Variants in CTNNA2 observed in about 807,000 individuals in gnomAD.
CTNNA2 encodes catenin alpha 2.
CTNNA2 carries 42 observed loss-of-function variants against 101.0 expected under a neutral mutation model. The ratio of observed to expected loss-of-function variants is 0.42; its 90% CI spans 0.32 to 0.54. CTNNA2 has a LOEUF of 0.54. CTNNA2 is among the 20% of genes least tolerant of loss of function. The pLI is 0.14. For synonymous variants in CTNNA2, 450 were observed against 456.4 expected, an observed-to-expected ratio of 0.99 and a Z score of 0.18; for missense variants, 871 against 1,223.1, an observed-to-expected ratio of 0.71 and a Z score of 4.29.
At chr2:79,513,046 CG>C (rs1444824997), upstream of CTNNA2, 1 of 152,420 alleles carries the variant, frequency 6.6e-6, no homozygotes, top group Non-Finnish European at 1.5e-5. Context: ...CCCAGGCGGG[CG>C]GGCAGAGCAG....
upstream of CTNNA2, among the ~76,000 whole-genome samples, chr2:79,512,837 C>G (rs959118604): frequency 1.3e-5 from 2 of 151,438 alleles, no homozygotes; most frequent in African/African-American, 2.4e-5. Flanking sequence ...CCAGCCACCC[C>G]TCGATGCCCG....
chr2:80,433,402 C>G (rs538506074), intron 9 of CTNNA2, among the ~76,000 whole-genome samples: 1 of 152,066 alleles, frequency 6.6e-6, no homozygotes, highest in African/African-American at 2.4e-5. Context: ...AAAGCCAAAG[C>G]CAAACACACA....
intron 6 of CTNNA2, among the ~76,000 whole-genome samples, chr2:79,898,193 G>A (rs1275883204): frequency 4.6e-5 from 7 of 151,986 alleles, no homozygotes; most frequent in African/African-American, 1.7e-4. Context: ...GTGTGCAGTG[G>A]TGTGATCTCA....
rs371257823 is a variant in CTNNA2, at chr2:79,625,531, G to A, written c.-5-26021G>A. On this transcript the variant is annotated intron_variant, in intron 1 of 18. Coordinates refer to ENST00000402739, the MANE Select transcript of CTNNA2 (RefSeq NM_001282597.3). ...TTATAGCTACATGTTTGTATGCCTC[G>A]CATGCAGATAAAACATGGAAATTGT... Among the ~76,000 whole-genome samples the A allele has an allele frequency of 1.2e-3, 183 of 152,198 alleles. 2 individuals carry two copies. The highest frequency in any genetic ancestry group is 3.9e-3 in the African/African-American group (162 of 41,532).
At position 79,381,917 on chromosome 2, in the gene CTNNA2, C is replaced by T. The variant is rs150717717; in HGVS notation, c.-135+7904C>T. On this transcript the variant is annotated intron_variant, in intron 4 of 21. Transcript: ENST00000466387. ...TGTTTGCCTTCAGATAGCTAAATGA[C>T]TGCGTGATTGCTAATTTAATGTGTC... is the stretch of plus-strand genomic sequence containing the variant. 2.4e-4 allele frequency among the ~76,000 whole-genome samples: 37 copies of T among 152,326 alleles called. No homozygotes were observed. In the East Asian group the frequency reaches 6.8e-3, roughly 28 times the overall value.
chr2:79,572,003 G>A (rs905609391), intron 1 of CTNNA2, among the ~76,000 whole-genome samples: 4 of 152,036 alleles, frequency 2.6e-5, no homozygotes, highest in Non-Finnish European at 5.9e-5. Context: ...CCCATTTTCG[G>A]CCTCATTGAT....
At chr2:79,211,063 A>G (rs531937608) in intron 2 of CTNNA2, among the ~76,000 whole-genome samples, 33 of 152,344 alleles carry the variant, frequency 2.2e-4, no homozygotes, top group Non-Finnish European at 1.6e-4. Flanking sequence ...TTCAAAACTG[A>G]GAGCATATAA....
At chr2:80,171,393 C>G (rs1705046794) in intron 7 of CTNNA2, among the ~76,000 whole-genome samples, 1 of 152,192 alleles carries the variant, frequency 6.6e-6, no homozygotes. Flanking sequence ...GCTGGCAGGC[C>G]AAGGCTTAGA....
At chr2:79,939,787 A>G (rs1182238156) in intron 7 of CTNNA2, among the ~76,000 whole-genome samples, 1 of 152,152 alleles carries the variant, frequency 6.6e-6, no homozygotes, top group Non-Finnish European at 1.5e-5. Context: ...TGAAACCATG[A>G]TTTTCTTAAA....
intron 12 of CTNNA2, among the ~76,000 whole-genome samples, chr2:80,570,345 A>G (rs1365108684): frequency 1.3e-5 from 2 of 152,194 alleles, no homozygotes; most frequent in Non-Finnish European, 2.9e-5. Flanking sequence ...CACCGTGCCC[A>G]GCCTCATCAC....
chr2:79,205,750 T>C (rs564995878), intron 2 of CTNNA2, among the ~76,000 whole-genome samples: 2 of 152,316 alleles, frequency 1.3e-5, no homozygotes, highest in South Asian at 4.1e-4. Context: ...GAAAGGTCAA[T>C]GAAACAGAGC....
chr2:79,590,934 C>A (rs1047064635), intron 1 of CTNNA2, among the ~76,000 whole-genome samples: 2 of 151,992 alleles, frequency 1.3e-5, no homozygotes, highest in East Asian at 3.9e-4. Context: ...TCAGTTTTAC[C>A]ATTTTGTTTT....
chr2:80,459,010 G>A (rs565567655), intron 9 of CTNNA2, among the ~76,000 whole-genome samples: 1 of 151,988 alleles, frequency 6.6e-6, no homozygotes, highest in Non-Finnish European at 1.5e-5. Context: ...GTTTAGATAC[G>A]CTTAGATACA....
chr2:79,396,158 T>C (rs1391512191), intron 4 of CTNNA2, among the ~76,000 whole-genome samples: 1 of 152,130 alleles, frequency 6.6e-6, no homozygotes, highest in Non-Finnish European at 1.5e-5. Context: ...CAATATATAA[T>C]TGAATTTTTC....
intron 3 of CTNNA2, among the ~76,000 whole-genome samples, chr2:79,777,492 G>A (rs1229960790): frequency 6.6e-6 from 1 of 152,016 alleles, no homozygotes; most frequent in East Asian, 1.9e-4. Flanking sequence ...GACTTACCAA[G>A]GCCACAGGTT....
At chr2:80,075,597 TAAA>T (rs1372728943) in intron 7 of CTNNA2, among the ~76,000 whole-genome samples, 12 of 75,328 alleles carry the variant, frequency 1.6e-4, no homozygotes, top group East Asian at 4.9e-4. Flanking sequence ...TGTATAAATA[TAAA>T]TATTTATACA....
At chr2:79,794,229 A>G (rs1007861147) in intron 3 of CTNNA2, among the ~76,000 whole-genome samples, 1 of 152,196 alleles carries the variant, frequency 6.6e-6, no homozygotes, top group Non-Finnish European at 1.5e-5. Context: ...ATGAGAAAGC[A>G]GATATAGGGA....
chr2:80,414,842 A>C (rs1442719535), intron 8 of CTNNA2, among the ~76,000 whole-genome samples: 4 of 152,184 alleles, frequency 2.6e-5, no homozygotes, highest in Admixed American at 6.5e-5. Flanking sequence ...CTAGGGAGGC[A>C]TTCCTCAAAC....
chr2:79,408,438 A>G (rs1401212172), intron 4 of CTNNA2, among the ~76,000 whole-genome samples: 1 of 148,430 alleles, frequency 6.7e-6, no homozygotes, highest in Admixed American at 6.7e-5. Context: ...ATATCTCCTA[A>G]TGCTATCCCT....
Sources: allele counts gnomAD v4.1 joint callset (sites outside exome capture counted in the v4.1 genomes callset), GRCh38; gene constraint gnomAD v4.1.1; transcripts MANE v1.5; gene names NCBI Gene and HGNC (gene_info 2026-07-23, HGNC 2026-07-21).